Variants in RBFOX1 observed in about 807,000 individuals in gnomAD.
RBFOX1 encodes RNA binding fox-1 homolog 1.
Under a neutral mutation model 57.7 loss-of-function variants are expected in RBFOX1, and 8 were observed. The ratio of observed to expected loss-of-function variants is 0.14; its 90% CI spans 0.08 to 0.25. The LOEUF is 0.25. Ranked by LOEUF, RBFOX1 falls within the 10% of genes least tolerant of loss-of-function variation. The pLI, the probability that RBFOX1 is intolerant of heterozygous loss-of-function variation, is 1.00. For synonymous variants in RBFOX1, 326 were observed against 222.4 expected, an observed-to-expected ratio of 1.47 and a Z score of -4.15; for missense variants, 611 against 548.5, an observed-to-expected ratio of 1.11 and a Z score of -1.14.
chr16:7,685,320 G>T (rs2075828036), intron 14 of RBFOX1, among the ~76,000 whole-genome samples: 1 of 152,126 alleles, frequency 6.6e-6, no homozygotes. Context: ...TTCAATGAGA[G>T]AGTAAGAACT....
intron 1 of RBFOX1, among the ~76,000 whole-genome samples, chr16:5,274,746 T>C (rs1321525491): frequency 2.6e-5 from 4 of 152,210 alleles, no homozygotes; most frequent in Non-Finnish European, 5.9e-5. Flanking sequence ...GTCCCTTGCA[T>C]AGGCACCAGG....
intron 4 of RBFOX1, among the ~76,000 whole-genome samples, chr16:5,901,729 C>T (rs1360453905): frequency 1.3e-5 from 2 of 152,204 alleles, no homozygotes; most frequent in Non-Finnish European, 2.9e-5. Flanking sequence ...ACGTTTTCAT[C>T]ACTACAGAAT....
intron 4 of RBFOX1, among the ~76,000 whole-genome samples, chr16:7,165,627 C>G (rs947594589): frequency 5.9e-5 from 9 of 151,746 alleles, no homozygotes; most frequent in Non-Finnish European, 7.4e-5. Context: ...TGAAGTTTCT[C>G]CACGTTGGTC....
At chr16:6,914,452 A>G (rs868419903) in intron 3 of RBFOX1, among the ~76,000 whole-genome samples, 4 of 152,266 alleles carry the variant, frequency 2.6e-5, no homozygotes, top group Middle Eastern at 6.8e-3. Context: ...GTACTTTTGC[A>G]TTAATAAGAA....
chr16:6,544,359 T>G (rs2096865996), intron 2 of RBFOX1, among the ~76,000 whole-genome samples: 1 of 152,178 alleles, frequency 6.6e-6, no homozygotes, highest in South Asian at 2.1e-4. Context: ...AAAACCACCT[T>G]TTCCCCTCTT....
chr16:6,497,684 G>A (rs554769673), intron 2 of RBFOX1, among the ~76,000 whole-genome samples: 2 of 152,050 alleles, frequency 1.3e-5, no homozygotes, highest in South Asian at 2.1e-4. Context: ...AGCCTCCTGA[G>A]TAGCTGAGAT....
At chr16:7,506,095 G>C (rs1389684399) in intron 4 of RBFOX1, among the ~76,000 whole-genome samples, 1 of 143,228 alleles carries the variant, frequency 7.0e-6, no homozygotes, top group East Asian at 2.2e-4. Flanking sequence ...TGAGGCAGGA[G>C]AACTGCTTGA....
At chr16:5,513,290 G>T (rs1252235204) in intron 2 of RBFOX1, among the ~76,000 whole-genome samples, 1 of 152,164 alleles carries the variant, frequency 6.6e-6, no homozygotes, top group Non-Finnish European at 1.5e-5. Context: ...TATACATCCA[G>T]TGGTATCTGT....
At chr16:6,893,077 C>G (rs1019799020) in intron 3 of RBFOX1, among the ~76,000 whole-genome samples, 1 of 152,190 alleles carries the variant, frequency 6.6e-6, no homozygotes, top group Non-Finnish European at 1.5e-5. Flanking sequence ...TTGTAAAAGA[C>G]TGCCCACCTC....
rs77698963 is a variant in RBFOX1 at position 6,491,530 on chromosome 16, T to G, written c.-63-163073T>G. 4.9e-3 allele frequency among the ~76,000 whole-genome samples: 749 copies of G among 152,326 alleles called. 24 individuals carry two copies. In the East Asian group the frequency reaches 0.098, roughly 20 times the overall value. On this transcript the variant is annotated intron_variant, in intron 2 of 15. Transcript: ENST00000550418. ...GACAGAGAAAGAAACCTGATTTTGT[T>G]GTAATGTACTAGCTAATTGTTCAGT...
intron 1 of RBFOX1, among the ~76,000 whole-genome samples, chr16:5,266,785 T>C (rs539143881): frequency 5.9e-5 from 9 of 151,782 alleles, no homozygotes; most frequent in Non-Finnish European, 1.2e-4. Flanking sequence ...TCTCGAGCTG[T>C]TGGGCTCAAG....
intron 3 of RBFOX1, among the ~76,000 whole-genome samples, chr16:6,968,860 A>C (rs1243344534): frequency 6.6e-6 from 1 of 151,266 alleles, no homozygotes; most frequent in Admixed American, 6.6e-5. Flanking sequence ...GTCTTCTGGC[A>C]GCTGAAGGCT....
chr16:7,413,341 C>A (rs1172679586), intron 4 of RBFOX1, among the ~76,000 whole-genome samples: 1 of 152,012 alleles, frequency 6.6e-6, no homozygotes, highest in African/African-American at 2.4e-5. Context: ...CCCCAGTCTT[C>A]CTCTGTAGCA....
chr16:7,460,923 G>C (rs2059469206), intron 4 of RBFOX1, among the ~76,000 whole-genome samples: 1 of 152,082 alleles, frequency 6.6e-6, no homozygotes, highest in African/African-American at 2.4e-5. Context: ...GCTGGTTCTT[G>C]GACCACATTT....
chr16:7,656,377 T>C (rs989913143), intron 12 of RBFOX1, among the ~76,000 whole-genome samples: 1 of 152,000 alleles, frequency 6.6e-6, no homozygotes, highest in African/African-American at 2.4e-5. Flanking sequence ...TTGCAGGAGA[T>C]GGCAAGGGGA....
At chr16:6,174,322 C>T (rs532800914) in intron 1 of RBFOX1, among the ~76,000 whole-genome samples, 82 of 152,278 alleles carry the variant, frequency 5.4e-4, no homozygotes, top group Middle Eastern at 3.4e-3. Flanking sequence ...GGGCCGGGCA[C>T]GGTGGCTCAT....
At chr16:5,370,952 C>A (rs1327810265) in intron 1 of RBFOX1, among the ~76,000 whole-genome samples, 1 of 152,184 alleles carries the variant, frequency 6.6e-6, no homozygotes, top group African/African-American at 2.4e-5. Context: ...ACCCGCAGGA[C>A]CTCAGAATGT....
rs1466480905 is a variant in RBFOX1 at position 5,665,005 on chromosome 16, C to T, written c.318+66044C>T. 6.6e-5 allele frequency among the ~76,000 whole-genome samples: 10 copies of T among 151,800 alleles called. No individual in the cohort carries two copies. The East Asian group carries it at 1.4e-3, about 21-fold the overall frequency. ...TGCCATTCAGGCTGGAGTACAGTGG[C>T]ACAGTCCTAGCTCACTGCAGCCCTC... On this transcript the variant is annotated intron_variant, in intron 3 of 19. Coordinates refer to the RBFOX1 transcript ENST00000641259.
At chr16:7,163,793 A>G (rs2078882309) in intron 4 of RBFOX1, among the ~76,000 whole-genome samples, 1 of 151,930 alleles carries the variant, frequency 6.6e-6, no homozygotes, top group Non-Finnish European at 1.5e-5. Context: ...AGTAGCTGGG[A>G]CTGTAGGCGC....
Sources: gnomAD v4.1 joint callset for allele counts (sites outside exome capture counted in the v4.1 genomes callset) on GRCh38, gnomAD v4.1.1 for gene constraint, MANE v1.5 for transcripts, NCBI Gene and HGNC (gene_info 2026-07-23, HGNC 2026-07-21) for gene names.